SERPINA12: variants seen among roughly 807,000 people sequenced by gnomAD.
SERPINA12 encodes the protein serpin family A member 12.
A neutral mutation model predicts 25.9 loss-of-function variants in SERPINA12; 21 were observed. That is an observed-to-expected ratio of 0.81 (90% CI 0.58 to 1.17). The LOEUF (loss-of-function observed/expected upper bound fraction) is 1.17. Ranked by LOEUF, SERPINA12 falls within the 50% of genes most tolerant of loss-of-function variation. The pLI, the probability that SERPINA12 is intolerant of heterozygous loss-of-function variation, is 0.00. For missense variants in SERPINA12, 562 were observed against 508.3 expected, an observed-to-expected ratio of 1.11 and a Z score of -1.02; for synonymous variants, 220 against 196.0, an observed-to-expected ratio of 1.12 and a Z score of -1.02.
chr14:94,499,966 G>A (rs1308801483), intron 1 of SERPINA12, among the ~76,000 whole-genome samples: 4 of 152,192 alleles, frequency 2.6e-5, no homozygotes, highest in East Asian at 1.9e-4. Context: ...GCTGTCAGCA[G>A]GCAACCCTCA....
In SERPINA12 at chr14:94,489,672, T is replaced by C. The variant is rs764808220; in HGVS notation, c.1001A>G (p.Glu334Gly). Residue 334 changes from glutamate to glycine, a missense_variant, in exon 4 of 5, where the codon GAA becomes GGA. Coordinates refer to ENST00000677451, the MANE Select transcript of SERPINA12 (RefSeq NM_001382267.1). ...GGCGATCTTGGTGAGATCACCATGT[T>C]CCTCAAAGATTTTGGAGACACCTAT... ...SYIGVSKIFE[E>G]HGDLTKIAPH... 4 of 1,614,084 alleles carry C rather than the reference T, an allele frequency of 2.5e-6. No homozygotes were observed. In the East Asian group the frequency reaches 8.9e-5, roughly 36 times the overall value.
Position 94,487,426 on chromosome 14 carries a change from C to A in SERPINA12, c.1122G>T (p.Gln374His). The A allele has an allele frequency of 1.2e-6, 2 of 1,614,080 alleles. No homozygotes were observed. The highest frequency in any genetic ancestry group is 1.7e-6 in the Non-Finnish European group (2 of 1,179,980). ...CGAGTGGTGTCTCCATGGGCAGAGTCTGTGCTCCGGTGCCAGCGGCCCCTT... is the reference window on the plus strand; with the variant it reads ...CGAGTGGTGTCTCCATGGGCAGAGTATGTGCTCCGGTGCCAGCGGCCCCTT... ...GTEGAAGTGAQTLPMETPLVV... is the reference protein window; with the variant it reads ...GTEGAAGTGAHTLPMETPLVV... The change falls in exon 5 of 5, where the codon CAG becomes CAT. Residue 374 changes from glutamine (Q) to histidine (H), a missense_variant. Coordinates refer to ENST00000677451, the MANE Select transcript of SERPINA12 (RefSeq NM_001382267.1).
chr14:94,501,060 G>C, intron 1 of SERPINA12: 1 of 985,350 alleles, frequency 1.0e-6, no homozygotes, highest in Non-Finnish European at 1.2e-6. Context: ...TGATGAACAA[G>C]GGCTCTATGG....
chr14:94,489,509 G>C (rs1320340550), intron 4 of SERPINA12, 111 bp downstream of exon 4: 3 of 1,286,224 alleles, frequency 2.3e-6, no homozygotes, highest in Non-Finnish European at 3.2e-6. Flanking sequence ...TGCCCGCCCC[G>C]ACTGGTGGGT....
At chr14:94,489,535 A>ACAGCCACTGTGACCCTGGCTCTGG in intron 4 of SERPINA12, 85 bp downstream of exon 4, 2 of 1,484,576 alleles carry the variant, frequency 1.3e-6, no homozygotes, top group Non-Finnish European at 1.8e-6. Flanking sequence ...CTCGGCTCTG[A>ACAGCCACTGTGACCCTGGCTCTGG]CAGCCACTGT....
At chr14:94,515,388 G>A (rs1019231589) in intron 2 of SERPINA12, among the ~76,000 whole-genome samples, 2 of 152,144 alleles carry the variant, frequency 1.3e-5, no homozygotes, top group East Asian at 3.9e-4. Context: ...TCCCCTGCAA[G>A]AGGCAATCAA....
At chr14:94,510,718 A>G (rs992927720), upstream of SERPINA12, among the ~76,000 whole-genome samples, 6 of 152,254 alleles carry the variant, frequency 3.9e-5, no homozygotes, top group Non-Finnish European at 8.8e-5. Context: ...CAATAAATCC[A>G]TAAAGAAAAT....
intron 3 of SERPINA12, among the ~76,000 whole-genome samples, chr14:94,491,520 G>A (rs1350647377): frequency 1.3e-5 from 2 of 152,034 alleles, no homozygotes; most frequent in Non-Finnish European, 2.9e-5. Flanking sequence ...TAGTGGGGAT[G>A]GGCAAAAATT....
At chr14:94,488,541 G>A (rs764239983) in intron 4 of SERPINA12, among the ~76,000 whole-genome samples, 47 of 152,054 alleles carry the variant, frequency 3.1e-4, no homozygotes, top group Non-Finnish European at 5.6e-4. Flanking sequence ...TTGAATTCAA[G>A]ATAAACAATG....
chr14:94,490,797 C>T (rs908064866), intron 3 of SERPINA12, among the ~76,000 whole-genome samples: 1 of 152,184 alleles, frequency 6.6e-6, no homozygotes, highest in African/African-American at 2.4e-5. Context: ...CGTCCCAGAG[C>T]CAGCTCTCAG....
In SERPINA12 at chr14:94,498,196, G is replaced by T; in HGVS notation, c.202C>A (p.Pro68Thr). 13 of 1,614,198 alleles carry T rather than the reference G, an allele frequency of 8.1e-6. No homozygotes were observed. The highest frequency in any genetic ancestry group is 1.1e-5 in the Non-Finnish European group (13 of 1,180,044). ...GGGGATAGGAAGATGTTCCTGCCAG[G>T]GTTGTAAAAGGCCAGCTTCTTGAGC... ...KLLKKLAFYNPGRNIFLSPLS... is the reference protein window; with the variant it reads ...KLLKKLAFYNTGRNIFLSPLS... Residue 68 changes from proline to threonine, a missense_variant, in exon 2 of 5, where the codon CCT becomes ACT. Coordinates refer to ENST00000677451, the MANE Select transcript of SERPINA12 (RefSeq NM_001382267.1).
intron 1 of SERPINA12, among the ~76,000 whole-genome samples, chr14:94,499,089 T>C (rs545796001): frequency 3.3e-5 from 5 of 152,216 alleles, no homozygotes; most frequent in South Asian, 2.1e-4. Flanking sequence ...ATTTCCCTTT[T>C]AGAGTTGGCT....
In SERPINA12 at chr14:94,496,642, G is replaced by A. The variant is rs1410911260; in HGVS notation, c.636C>T (p.Ala212=). The stretch of plus-strand genomic sequence containing the variant: ...TTGGATCAAACTCATGTTTCCACCT[G>A]GCTTAGATTGAAGAAAGACAAACAG... ...MLLANYIFFR[A]RWKHEFDPNV... is the part of the protein sequence containing the mutation. The change falls in exon 3 of 5, where the codon GCC becomes GCT. Residue 212 remains alanine, a splice_region_variant and synonymous_variant. Coordinates refer to ENST00000677451, the MANE Select transcript of SERPINA12 (RefSeq NM_001382267.1). 1 of 1,613,208 alleles carries A rather than the reference G, an allele frequency of 6.2e-7. No homozygotes were observed.
exon 2 of SERPINA12, chr14:94,515,945 T>A (rs1410429665): frequency 6.6e-6 from 1 of 152,274 alleles, no homozygotes; most frequent in Non-Finnish European, 1.5e-5. Context: ...CACAGAGTTT[T>A]GCAAGTGGGG....
chr14:94,512,057 C>T (rs1484673473), upstream of SERPINA12, among the ~76,000 whole-genome samples: 1 of 152,096 alleles, frequency 6.6e-6, no homozygotes, highest in Non-Finnish European at 1.5e-5. Flanking sequence ...GAGATTGCAC[C>T]ACTGCACTTC....
At chr14:94,503,415 G>T (rs941234955) in intron 1 of SERPINA12, 1 of 593,318 alleles carries the variant, frequency 1.7e-6, no homozygotes, top group Non-Finnish European at 2.1e-6. Context: ...GGGCACTAGA[G>T]CAATGCCCAG....
intron 2 of SERPINA12, chr14:94,515,693 TGCAGATGC>T (rs1901215779): frequency 2.6e-5 from 4 of 152,532 alleles, no homozygotes; most frequent in Admixed American, 6.6e-5. Flanking sequence ...GGGCAAACAG[TGCAGATGC>T]GGGCAAACAG....
At chr14:94,502,244 C>A (rs553961301) in intron 1 of SERPINA12, among the ~76,000 whole-genome samples, 2 of 152,216 alleles carry the variant, frequency 1.3e-5, no homozygotes, top group Non-Finnish European at 1.5e-5. Flanking sequence ...AAAATAATTT[C>A]CTCCTCTTAT....
intron 1 of SERPINA12, among the ~76,000 whole-genome samples, chr14:94,502,816 C>T (rs1002324104): frequency 2.0e-5 from 3 of 152,226 alleles, no homozygotes; most frequent in African/African-American, 7.2e-5. Context: ...GTTGCCTCCT[C>T]ATCGGGGAGA....
Sources: allele counts gnomAD v4.1 joint callset (sites outside exome capture counted in the v4.1 genomes callset), GRCh38; gene constraint gnomAD v4.1.1; transcripts MANE v1.5; gene names NCBI Gene and HGNC (gene_info 2026-07-23, HGNC 2026-07-21).